Variants in CCSER2 observed in about 807,000 individuals in gnomAD.
The protein encoded by CCSER2 is coiled-coil serine rich protein 2.
In CCSER2, 46 loss-of-function variants were observed where a neutral mutation model predicts 92.3. The ratio of observed to expected loss-of-function variants is 0.50; its 90% CI spans 0.39 to 0.64. The LOEUF is 0.64. Among genes scored for constraint, CCSER2 ranks in the 30% least tolerant of loss-of-function variants. CCSER2 has a pLI of 0.00. For missense variants in CCSER2, 1,244 were observed against 1,238.9 expected, an observed-to-expected ratio of 1.00 and a Z score of -0.06; for synonymous variants, 433 against 431.4, an observed-to-expected ratio of 1.00 and a Z score of -0.04.
At chr10:84,446,236 T>C (rs1844907842) in intron 6 of CCSER2, among the ~76,000 whole-genome samples, 1 of 152,220 alleles carries the variant, frequency 6.6e-6, no homozygotes, top group Admixed American at 6.5e-5. Flanking sequence ...TCCTATGATT[T>C]ATATTATGTC....
intron 8 of CCSER2, among the ~76,000 whole-genome samples, chr10:84,474,029 C>A (rs1369419397): frequency 6.6e-6 from 1 of 152,196 alleles, no homozygotes; most frequent in Non-Finnish European, 1.5e-5. Flanking sequence ...TTGCAGCGCT[C>A]TGAGAATTAA....
chr10:84,366,141 A>C (rs529033835), intron 1 of CCSER2, among the ~76,000 whole-genome samples: 1 of 152,210 alleles, frequency 6.6e-6, no homozygotes, highest in East Asian at 1.9e-4. Flanking sequence ...ATGAGGTCTC[A>C]CTATGTTGCT....
intron 9 of CCSER2, among the ~76,000 whole-genome samples, chr10:84,498,324 T>C (rs947899693): frequency 1.3e-5 from 2 of 152,230 alleles, no homozygotes; most frequent in African/African-American, 4.8e-5. Flanking sequence ...CATCACCTTA[T>C]TCAATGTTTT....
rs765107359 is a variant in CCSER2, at chr10:84,371,600, G to A, written c.548G>A (p.Gly183Asp). 3 of 1,613,702 alleles carry A rather than the reference G, an allele frequency of 1.9e-6. No homozygotes were observed. The highest frequency in any genetic ancestry group is 2.2e-5 in the South Asian group (2 of 91,040). Residue 183 changes from glycine to aspartate, a missense_variant, in exon 2 of 10, where the codon GGT becomes GAT. Coordinates refer to ENST00000372088, the MANE Select transcript of CCSER2 (RefSeq NM_001284240.2). ...LNGFYGNRSA[G>D]SMQRPRANSC... ...GGATTTTATGGAAACCGATCAGCTG[G>A]TAGCATGCAAAGGCCTAGAGCGAAC...
chr10:84,376,571 A>T (rs994732189), intron 3 of CCSER2, among the ~76,000 whole-genome samples: 9 of 152,262 alleles, frequency 5.9e-5, no homozygotes, highest in African/African-American at 1.9e-4. Flanking sequence ...CCTTTGTGTG[A>T]ATATACTACA....
intron 1 of CCSER2, among the ~76,000 whole-genome samples, chr10:84,344,180 G>T (rs1429255944): frequency 6.6e-6 from 1 of 151,980 alleles, no homozygotes; most frequent in East Asian, 1.9e-4. Context: ...ATTTTTTTTG[G>T]TTTGCTAATA....
chr10:84,329,264 TG>T (rs1426800788), intron 1 of CCSER2, among the ~76,000 whole-genome samples: 1 of 152,246 alleles, frequency 6.6e-6, no homozygotes, highest in Non-Finnish European at 1.5e-5. Context: ...GGCACACCGT[TG>T]CCGTAGGTTC....
intron 3 of CCSER2, among the ~76,000 whole-genome samples, chr10:84,381,349 A>G (rs1056892224): frequency 5.9e-5 from 9 of 152,208 alleles, no homozygotes; most frequent in Non-Finnish European, 8.8e-5. Flanking sequence ...TTGGGGTGCT[A>G]TGCAGAAAAG....
In CCSER2 at chr10:84,428,991, A is replaced by G. The variant is rs201765737; in HGVS notation, c.1868+3098A>G. Among the ~76,000 whole-genome samples, 105 of 32,606 alleles carry G rather than the reference A, an allele frequency of 3.2e-3. 1 individual carries two copies. In the East Asian group the frequency reaches 0.098, roughly 30 times the overall value. 21.4% of individuals were successfully genotyped at this position (32,606 alleles called of 152,430 possible). ...TTTTTTTGTGTGTGTATGTGTATAT[A>G]TATATATATATATATATATATATAC... On this transcript the variant is annotated intron_variant, in intron 5 of 9. Coordinates refer to ENST00000372088, the MANE Select transcript of CCSER2 (RefSeq NM_001284240.2).
intron 1 of CCSER2, among the ~76,000 whole-genome samples, chr10:84,344,312 T>C (rs1219306037): frequency 6.6e-6 from 1 of 152,200 alleles, no homozygotes; most frequent in Non-Finnish European, 1.5e-5. Flanking sequence ...TATTTCAAAA[T>C]ATCTGAATTT....
chr10:84,348,006 C>T (rs544052294), intron 1 of CCSER2, among the ~76,000 whole-genome samples: 32 of 152,078 alleles, frequency 2.1e-4, no homozygotes, highest in Non-Finnish European at 1.0e-4. Context: ...GTATCCCAAA[C>T]GATGGGCGGC....
intron 1 of CCSER2, among the ~76,000 whole-genome samples, chr10:84,348,477 G>GAGAGGGAGACCGTGGGGAGAGGA: frequency 6.6e-6 from 1 of 152,022 alleles, no homozygotes; most frequent in South Asian, 2.1e-4. Context: ...GAAAGAGAGG[G>GAGAGGGAGACCGTGGGGAGAGGA]AGAGGGAGAC....
At chr10:84,386,168 A>T (rs570923751) in intron 3 of CCSER2, among the ~76,000 whole-genome samples, 7 of 152,352 alleles carry the variant, frequency 4.6e-5, no homozygotes, top group African/African-American at 1.7e-4. Flanking sequence ...ACCTCTGTGG[A>T]AAACAGTACA....
chr10:84,431,214 C>T (rs1325135114), intron 5 of CCSER2, among the ~76,000 whole-genome samples: 2 of 152,154 alleles, frequency 1.3e-5, no homozygotes, highest in Non-Finnish European at 2.9e-5. Flanking sequence ...ATTACAGTAT[C>T]ATACAGAATA....
chr10:84,510,940 A>G (rs1849316914), intron 9 of CCSER2, among the ~76,000 whole-genome samples: 1 of 152,164 alleles, frequency 6.6e-6, no homozygotes, highest in African/African-American at 2.4e-5. Flanking sequence ...AGTGGAATTG[A>G]TTTTCCAAAT....
intron 4 of CCSER2, among the ~76,000 whole-genome samples, chr10:84,420,076 A>G (rs1042874533): frequency 6.6e-5 from 10 of 152,230 alleles, no homozygotes; most frequent in African/African-American, 2.2e-4. Context: ...AATGCATTTT[A>G]CTTTGACAGA....
At chr10:84,401,315 C>T (rs1842105068) in intron 3 of CCSER2, among the ~76,000 whole-genome samples, 1 of 152,110 alleles carries the variant, frequency 6.6e-6, no homozygotes. Flanking sequence ...TTTAGCAAGA[C>T]TGACAAAGGC....
chr10:84,477,105 A>T (rs912748253), intron 8 of CCSER2, among the ~76,000 whole-genome samples: 4 of 152,346 alleles, frequency 2.6e-5, no homozygotes, highest in Admixed American at 2.6e-4. Flanking sequence ...TAAATTCTGC[A>T]GTTGTATTCT....
chr10:84,351,265 G>C (rs1258592268), intron 1 of CCSER2, among the ~76,000 whole-genome samples: 5 of 151,766 alleles, frequency 3.3e-5, no homozygotes, highest in African/African-American at 1.2e-4. Context: ...CTTTGAGACA[G>C]AGTCTTCCTC....
Sources: allele counts gnomAD v4.1 joint callset (sites outside exome capture counted in the v4.1 genomes callset), GRCh38; gene constraint gnomAD v4.1.1; transcripts MANE v1.5; gene names NCBI Gene and HGNC (gene_info 2026-07-23, HGNC 2026-07-21).